Variants in LRP5 observed in about 807,000 individuals in gnomAD.
LRP5 encodes LDL receptor related protein 5, also known as low-density lipoprotein receptor-related protein 5.
A neutral mutation model predicts 154.1 loss-of-function variants in LRP5; 62 were observed. The ratio of observed to expected loss-of-function variants is 0.40; its 90% CI spans 0.33 to 0.50. LRP5 has a LOEUF of 0.50. Ranked by LOEUF, LRP5 falls within the 20% of genes least tolerant of loss-of-function variation. The pLI is 0.55. For synonymous variants in LRP5, 966 were observed against 1,011.5 expected, an observed-to-expected ratio of 0.96 and a Z score of 0.85; for missense variants, 1,915 against 2,336.7, an observed-to-expected ratio of 0.82 and a Z score of 3.72.
rs2098677158 is a variant in LRP5, at chr11:68,439,826, C to A, written c.4398C>A (p.Gly1466=). Residue 1466 remains glycine, a synonymous_variant, in exon 21 of 23, where the codon GGC becomes GGA. Transcript: ENST00000294304. ...TGAGCTCCGTGAGCCTGATGGGGGG[C>A]CGGGGCGGGGTGCCCCTCTACGACC... ...SMMSSVSLMG[G]RGGVPLYDRN... is the part of the protein sequence containing the mutation. The A allele has an allele frequency of 1.2e-6, 2 of 1,611,548 alleles. No individual in the cohort carries two copies. The highest frequency in any genetic ancestry group is 1.7e-6 in the Non-Finnish European group (2 of 1,179,596).
At chr11:68,391,480 CA>C (rs1565069579) in intron 7 of LRP5, among the ~76,000 whole-genome samples, 4 of 152,200 alleles carry the variant, frequency 2.6e-5, no homozygotes, top group African/African-American at 9.7e-5. Context: ...TCAGGGCTCC[CA>C]GGGGAGGCCC....
intron 1 of LRP5, among the ~76,000 whole-genome samples, chr11:68,322,707 A>G (rs1366587736): frequency 6.6e-6 from 1 of 152,272 alleles, no homozygotes; most frequent in Non-Finnish European, 1.5e-5. Context: ...TCATCTGTCC[A>G]GGGAGCAGAT....
At chr11:68,401,137 T>C (rs1055954797) in intron 7 of LRP5, among the ~76,000 whole-genome samples, 19 of 152,064 alleles carry the variant, frequency 1.2e-4, no homozygotes, top group African/African-American at 4.6e-4. Flanking sequence ...CAGGGCTGGG[T>C]CCCTCCCTGG....
chr11:68,439,995 C>A, intron 21 of LRP5, 79 bp downstream of exon 21: 1 of 1,356,300 alleles, frequency 7.4e-7, no homozygotes, highest in Non-Finnish European at 9.8e-7. Context: ...CCACCGGAGG[C>A]TTCCCGGGTT....
chr11:68,405,238 A>G (rs1159193155), intron 8 of LRP5, among the ~76,000 whole-genome samples: 1 of 151,992 alleles, frequency 6.6e-6, no homozygotes, highest in Non-Finnish European at 1.5e-5. Context: ...AGACTGAGGC[A>G]GGAGGATCAC....
intron 7 of LRP5, among the ~76,000 whole-genome samples, chr11:68,396,384 G>C (rs1009535139): frequency 6.6e-6 from 1 of 152,184 alleles, no homozygotes; most frequent in African/African-American, 2.4e-5. Context: ...CCACGTGGTG[G>C]TGTGCGCAGC....
chr11:68,386,800 C>T lies in LRP5; in HGVS notation c.1412+88C>T, dbSNP rs1309143326. 1.4e-6 allele frequency: 2 copies of T among 1,426,356 alleles called. No homozygotes were observed. Among genetic ancestry groups the T allele is most frequent in the Non-Finnish European group, 1.9e-6 (2 of 1,057,642 alleles). 88.4% of individuals were successfully genotyped at this position (1,426,356 alleles called of 1,614,324 possible). A position where few individuals can be genotyped will look rare whatever the true frequency, so the allele number is the denominator to read the frequency against. On this transcript the variant is annotated intron_variant, in intron 6 of 22. Transcript: ENST00000294304. The surrounding 1 kb of genome is among the most constrained non-coding windows in gnomAD (Gnocchi z 7.9). ...TTGACCTGGACCTGTCATTCTGGGA[C>T]ACTGTCTTGCATCAGAACCCGGAGG... is the stretch of plus-strand genomic sequence containing the variant.
intron 1 of LRP5, among the ~76,000 whole-genome samples, chr11:68,331,507 C>A (rs1407160704): frequency 3.3e-5 from 5 of 152,256 alleles, no homozygotes; most frequent in African/African-American, 4.8e-5. Context: ...CTGCCTGGCC[C>A]ATCTCCCTGT....
rs1045997344 is a variant in LRP5 at position 68,411,794 on chromosome 11, G to A, written c.2503+174G>A. Reference sequence around the variant, plus strand: ...ACCCTCTGCTGTGGGAGTTGTCCCCGTCCACCCCTGGGTGCCTTTGCTGCA... The same window carrying A: ...ACCCTCTGCTGTGGGAGTTGTCCCCATCCACCCCTGGGTGCCTTTGCTGCA... On this transcript the variant is annotated intron_variant, in intron 11 of 22. Coordinates refer to ENST00000294304, the MANE Select transcript of LRP5 (RefSeq NM_002335.4). Among the ~76,000 whole-genome samples the A allele has an allele frequency of 2.6e-5, 4 of 152,174 alleles. No homozygotes were observed. In the South Asian group the frequency reaches 6.2e-4, roughly 24 times the overall value.
chr11:68,362,606 G>A (rs1472609704), intron 3 of LRP5, among the ~76,000 whole-genome samples: 7 of 151,450 alleles, frequency 4.6e-5, no homozygotes, highest in African/African-American at 1.2e-4. Flanking sequence ...TGGGAGAATC[G>A]CTTGAACCTG....
At chr11:68,310,339 C>A (rs2098586994), upstream of LRP5, among the ~76,000 whole-genome samples, 1 of 152,080 alleles carries the variant, frequency 6.6e-6, no homozygotes, top group African/African-American at 2.4e-5. Flanking sequence ...GTAGTCCTAA[C>A]TACTAGAGAC....
intron 2 of LRP5, among the ~76,000 whole-genome samples, chr11:68,356,134 G>A (rs1185613487): frequency 2.1e-5 from 3 of 146,298 alleles, no homozygotes; most frequent in South Asian, 2.1e-4. Flanking sequence ...ATGAGCCACC[G>A]CACCCAGCCT....
At chr11:68,387,469 G>A (rs2098643682) in intron 6 of LRP5, among the ~76,000 whole-genome samples, 1 of 152,320 alleles carries the variant, frequency 6.6e-6, no homozygotes, top group South Asian at 2.1e-4. Flanking sequence ...ATCCAGGGGG[G>A]TAGGTACAGT....
chr11:68,400,848 A>T (rs1476413026), intron 7 of LRP5, among the ~76,000 whole-genome samples: 1 of 152,242 alleles, frequency 6.6e-6, no homozygotes, highest in Non-Finnish European at 1.5e-5. Context: ...TTAGCACAGG[A>T]GTTTGAGACC....
At chr11:68,375,203 G>C (rs1177416407) in intron 5 of LRP5, among the ~76,000 whole-genome samples, 1 of 152,182 alleles carries the variant, frequency 6.6e-6, no homozygotes, top group Non-Finnish European at 1.5e-5. Flanking sequence ...CACTGACCGT[G>C]CCCTGTGCCT....
chr11:68,426,292 G>A, intron 16 of LRP5, 105 bp downstream of exon 16: 1 of 972,678 alleles, frequency 1.0e-6, no homozygotes, highest in Non-Finnish European at 1.5e-6. Context: ...GCCAGGCGGT[G>A]GTCTCTGCCA....
chr11:68,314,611 C>G (rs372933590), intron 1 of LRP5, among the ~76,000 whole-genome samples: 1 of 152,344 alleles, frequency 6.6e-6, no homozygotes, highest in African/African-American at 2.4e-5. Flanking sequence ...TGGCTTTGTT[C>G]TAGTGGTCCC....
the LRP5 span, among the ~76,000 whole-genome samples, chr11:68,306,353 C>T: frequency 6.6e-6 from 1 of 152,140 alleles, no homozygotes; most frequent in Non-Finnish European, 1.5e-5. Flanking sequence ...CCAGGCTGCT[C>T]TCGAACTCAT....
intron 2 of LRP5, among the ~76,000 whole-genome samples, chr11:68,356,121 G>A (rs2098622999): frequency 6.6e-6 from 1 of 151,206 alleles, no homozygotes; most frequent in Admixed American, 6.6e-5. Flanking sequence ...TGGAATTACA[G>A]GCATGAGCCA....
Sources: allele counts gnomAD v4.1 joint callset (sites outside exome capture counted in the v4.1 genomes callset), GRCh38; gene constraint gnomAD v4.1.1; non-coding constraint Gnocchi (gnomAD v3.1); transcripts MANE v1.5; gene names NCBI Gene and HGNC (gene_info 2026-07-23, HGNC 2026-07-21).